The following MAPRE3 variants were observed in gnomAD, a reference collection of about 807,000 sequenced individuals.
MAPRE3 encodes the protein microtubule-associated protein RP/EB family member 3.
MAPRE3 carries 2 observed loss-of-function variants against 30.5 expected under a neutral mutation model. The observed-to-expected ratio is 0.07, with a 90% CI of 0.03 to 0.21. The LOEUF (loss-of-function observed/expected upper bound fraction) is 0.21, where lower values mean the gene tolerates loss of function less well. Among genes scored for constraint, MAPRE3 ranks in the 10% least tolerant of loss-of-function variants. MAPRE3 has a pLI of 1.00. For missense variants in MAPRE3, 204 were observed against 351.8 expected (o/e 0.58, Z 3.36); for synonymous variants, 110 against 127.7 (o/e 0.86, Z 0.93).
Position 26,990,038 on chromosome 2 carries a change from G to A in MAPRE3, c.-8+19236G>A, listed in dbSNP as rs868761393. The stretch of plus-strand genomic sequence containing the variant: ...TACAAAAAATCTTAAAATTATCTGG[G>A]TACAGTGGTGCGTGCCTGAAGTCCC... On this transcript the variant is annotated intron_variant, in intron 1 of 6. Transcript: ENST00000233121. 2.6e-5 allele frequency among the ~76,000 whole-genome samples: 4 copies of A among 152,158 alleles called. 1 individual carries two copies. The highest frequency in any genetic ancestry group is 4.1e-4 in the South Asian group (2 of 4,826).
intron 1 of MAPRE3, among the ~76,000 whole-genome samples, chr2:27,007,026 T>A (rs1666744780): frequency 6.6e-6 from 1 of 152,224 alleles, no homozygotes. Context: ...ATTTATATCC[T>A]GTCTTTAGGC....
At chr2:27,004,897 C>G (rs534371676) in intron 1 of MAPRE3, among the ~76,000 whole-genome samples, 1 of 151,444 alleles carries the variant, frequency 6.6e-6, no homozygotes, top group Non-Finnish European at 1.5e-5. Flanking sequence ...TTCTCAAACT[C>G]GACAGCCCAA....
At chr2:27,009,409 T>C (rs1372883032) in intron 1 of MAPRE3, among the ~76,000 whole-genome samples, 1 of 152,246 alleles carries the variant, frequency 6.6e-6, no homozygotes, top group African/African-American at 2.4e-5. Context: ...GGGACTCTCT[T>C]GGGAATCTCT....
At chr2:27,021,255 G>A (rs181799867) in intron 1 of MAPRE3, among the ~76,000 whole-genome samples, 1 of 152,314 alleles carries the variant, frequency 6.6e-6, no homozygotes, top group Admixed American at 6.5e-5. Flanking sequence ...ACAACGGTAT[G>A]CATAAATCCT....
chr2:26,985,202 G>A lies in MAPRE3; in HGVS notation c.-8+14400G>A, dbSNP rs923081081. On this transcript the variant is annotated intron_variant, in intron 1 of 6. Coordinates refer to ENST00000233121, the MANE Select transcript of MAPRE3 (RefSeq NM_012326.4). The surrounding 1 kb of genome is among the most constrained non-coding windows in gnomAD (Gnocchi z 4.2). Reference sequence around the variant, plus strand: ...TGGTGCTTCGGCCCTGAGAGAGATTGTTAAGACATGTGCTGTTGAAACTCT... The same window carrying A: ...TGGTGCTTCGGCCCTGAGAGAGATTATTAAGACATGTGCTGTTGAAACTCT... Among the ~76,000 whole-genome samples, 10 of 152,186 alleles carry A rather than the reference G, an allele frequency of 6.6e-5. 1 individual carries two copies. The highest frequency in any genetic ancestry group is 1.9e-4 in the African/African-American group (8 of 41,444).
chr2:27,019,143 C>T (rs549499595), intron 1 of MAPRE3, among the ~76,000 whole-genome samples: 4 of 152,176 alleles, frequency 2.6e-5, no homozygotes, highest in South Asian at 2.1e-4. Context: ...TCGGCACCCC[C>T]CTCAGCCTCC....
chr2:26,970,928 C>T (rs1407337051), intron 1 of MAPRE3, 126 bp downstream of exon 1: 1 of 151,292 alleles, frequency 6.6e-6, no homozygotes, highest in African/African-American at 2.4e-5. Context: ...GCATCCCGAC[C>T]GCGCCTTCCC....
chr2:26,977,954 A>T (rs1666044698), intron 1 of MAPRE3, among the ~76,000 whole-genome samples: 1 of 152,230 alleles, frequency 6.6e-6, no homozygotes, highest in Non-Finnish European at 1.5e-5. Flanking sequence ...ATGGCCTGTC[A>T]CATAGCTCGA....
At chr2:26,987,110 A>G (rs1666239043) in intron 1 of MAPRE3, among the ~76,000 whole-genome samples, 1 of 152,210 alleles carries the variant, frequency 6.6e-6, no homozygotes, top group Non-Finnish European at 1.5e-5. Context: ...TCTGGAAAAA[A>G]TGATTTCTTC....
intron 1 of MAPRE3, among the ~76,000 whole-genome samples, chr2:26,999,273 A>G (rs1666533370): frequency 6.6e-6 from 1 of 152,150 alleles, no homozygotes; most frequent in African/African-American, 2.4e-5. Flanking sequence ...TTGTCTTGCA[A>G]TGAGTAGCAG....
chr2:26,978,044 A>G (rs975710119), intron 1 of MAPRE3, among the ~76,000 whole-genome samples: 21 of 152,172 alleles, frequency 1.4e-4, no homozygotes, highest in African/African-American at 4.8e-4. Context: ...CTTGTCCTAG[A>G]TGGGGTGGAG....
chr2:27,007,920 CCACCTAT>C (rs1666767154), intron 1 of MAPRE3, among the ~76,000 whole-genome samples: 2 of 152,176 alleles, frequency 1.3e-5, no homozygotes, highest in Non-Finnish European at 2.9e-5. Context: ...ATGTCTATCC[CCACCTAT>C]TGAGTTTTTT....
intron 1 of MAPRE3, among the ~76,000 whole-genome samples, chr2:27,007,669 G>C (rs1479349372): frequency 1.3e-5 from 2 of 152,198 alleles, no homozygotes; most frequent in Non-Finnish European, 2.9e-5. Context: ...TTCAGGACTT[G>C]TGAAAAGTAC....
At chr2:27,010,059 G>A (rs968150350) in intron 1 of MAPRE3, among the ~76,000 whole-genome samples, 11 of 152,216 alleles carry the variant, frequency 7.2e-5, no homozygotes, top group Non-Finnish European at 1.3e-4. Context: ...ATGGTGATGA[G>A]TGACTGATTG....
At chr2:27,000,516 G>A (rs1666570608) in intron 1 of MAPRE3, among the ~76,000 whole-genome samples, 1 of 152,096 alleles carries the variant, frequency 6.6e-6, no homozygotes, top group Non-Finnish European at 1.5e-5. Context: ...AAAGAATGAA[G>A]AAGAAAGAGT....
At chr2:27,018,700 ACTC>A (rs1257610919) in intron 1 of MAPRE3, among the ~76,000 whole-genome samples, 2 of 150,280 alleles carry the variant, frequency 1.3e-5, no homozygotes, top group East Asian at 3.9e-4. Flanking sequence ...CCACCCATCC[ACTC>A]CTCCTCCTGT....
chr2:27,020,739 G>A (rs1440557344), intron 1 of MAPRE3, among the ~76,000 whole-genome samples: 3 of 152,252 alleles, frequency 2.0e-5, no homozygotes, highest in Non-Finnish European at 4.4e-5. Flanking sequence ...CGGCCAAGGA[G>A]TGTCTCTTTT....
chr2:26,999,941 C>T (rs1340187640), intron 1 of MAPRE3, among the ~76,000 whole-genome samples: 1 of 152,096 alleles, frequency 6.6e-6, no homozygotes, highest in Non-Finnish European at 1.5e-5. Flanking sequence ...ATTTTTTCCA[C>T]ATTATCATTA....
At chr2:27,011,133 C>T (rs944014231) in intron 1 of MAPRE3, among the ~76,000 whole-genome samples, 7 of 152,180 alleles carry the variant, frequency 4.6e-5, no homozygotes, top group Non-Finnish European at 1.0e-4. Flanking sequence ...CCTAACATTC[C>T]TCCAGGACTG....
Sources: allele counts gnomAD v4.1 joint callset (sites outside exome capture counted in the v4.1 genomes callset), GRCh38; gene constraint gnomAD v4.1.1; non-coding constraint Gnocchi (gnomAD v3.1); transcripts MANE v1.5; gene names NCBI Gene and HGNC (gene_info 2026-07-23, HGNC 2026-07-21).